Variants in CYP2C18 observed in about 807,000 individuals in gnomAD.
CYP2C18 encodes cytochrome P450 family 2 subfamily C member 18, also known as cytochrome P450 2C18.
A neutral mutation model predicts 41.3 loss-of-function variants in CYP2C18; 38 were observed. The ratio of observed to expected loss-of-function variants is 0.92; its 90% CI spans 0.71 to 1.21. The LOEUF (loss-of-function observed/expected upper bound fraction) is 1.21, where lower values mean the gene tolerates loss of function less well. Among genes scored for constraint, CYP2C18 ranks in the 50% most tolerant of loss-of-function variants. The probability of loss-of-function intolerance (pLI) is 0.00; values close to 1 mark genes in which losing one functional copy is unlikely to be tolerated. For synonymous variants in CYP2C18, 236 were observed against 210.0 expected, an observed-to-expected ratio of 1.12 and a Z score of -1.07; for missense variants, 635 against 591.4, an observed-to-expected ratio of 1.07 and a Z score of -0.77.
intron 3 of CYP2C18, among the ~76,000 whole-genome samples, chr10:94,691,668 AACT>A (rs1847002575): frequency 6.6e-6 from 1 of 152,210 alleles, no homozygotes; most frequent in Admixed American, 6.5e-5. Flanking sequence ...AATTGGAAAA[AACT>A]ACTTTAAAGT....
Position 94,735,292 on chromosome 10 carries a change from GC to G in CYP2C18, c.1324del (p.Arg442AlafsTer8). 1 of 1,613,574 alleles carries G rather than the reference GC, an allele frequency of 6.2e-7. No individual in the cohort carries two copies. Among genetic ancestry groups the G allele is most frequent in the Non-Finnish European group, 8.5e-7 (1 of 1,179,672 alleles). On this transcript the variant is annotated frameshift_variant, in exon 9 of 9. Coordinates refer to ENST00000285979, the MANE Select transcript of CYP2C18 (RefSeq NM_000772.3). LOFTEE classifies it low-confidence loss of function (END_TRUNC). ...ACGGATGTGTATGGGAGAGGGCCTG[GC>G]CCGCATGGAGCTGTTTTTATTCCTG... is the stretch of plus-strand genomic sequence containing the variant. ...GKRMCMGEGLARMELFLFLTT... is the reference protein window; with the variant it reads ...GKRMCMGEGLXRMELFLFLTT...
Position 94,733,435 on chromosome 10 carries a change from G to A in CYP2C18, c.1288G>A (p.Ala430Thr), listed in dbSNP as rs1482298087. 1 of 1,612,972 alleles carries A rather than the reference G, an allele frequency of 6.2e-7. No homozygotes were observed. Among genetic ancestry groups the A allele is most frequent in the East Asian group, 2.2e-5 (1 of 44,836 alleles). The stretch of plus-strand genomic sequence containing the variant: ...AAGTGACTACTTCATGCCTTTCTCA[G>A]CAGGTAATAGATATTCATTTCCATC... ...KKSDYFMPFSAGKRMCMGEGL... is the reference protein window; with the variant it reads ...KKSDYFMPFSTGKRMCMGEGL... Residue 430 changes from alanine (A) to threonine (T), a missense_variant, in exon 8 of 9, where the codon GCA (alanine) becomes ACA (threonine). Transcript: ENST00000285979.
chr10:94,690,455 A>G (rs1278673454), intron 3 of CYP2C18, among the ~76,000 whole-genome samples: 1 of 152,200 alleles, frequency 6.6e-6, no homozygotes, highest in Non-Finnish European at 1.5e-5. Context: ...AAATTTCTCG[A>G]CACATACACT....
intron 3 of CYP2C18, 135 bp from the exon 4 acceptor site, chr10:94,694,782 T>C (rs1254182892): frequency 4.3e-6 from 4 of 922,542 alleles, no homozygotes; most frequent in Admixed American, 2.8e-5. Context: ...TTCAATATGC[T>C]GTAGTTTGTG....
At chr10:94,689,190 T>C (rs1846952488) in intron 3 of CYP2C18, among the ~76,000 whole-genome samples, 1 of 152,184 alleles carries the variant, frequency 6.6e-6, no homozygotes, top group African/African-American at 2.4e-5. Context: ...TATAGCATAG[T>C]CTTTCAATTT....
chr10:94,694,147 G>T (rs12569873), intron 3 of CYP2C18, among the ~76,000 whole-genome samples: 26,771 of 152,044 alleles, frequency 0.18, 2,610 homozygotes, highest in South Asian at 0.33. Context: ...ATTGAAGATA[G>T]TGCCTGGTGA....
intron 4 of CYP2C18, among the ~76,000 whole-genome samples, chr10:94,700,920 T>C (rs527487881): frequency 6.6e-6 from 1 of 152,262 alleles, no homozygotes; most frequent in South Asian, 2.1e-4. Flanking sequence ...CACAATGAGA[T>C]ACCATCTCAC....
chr10:94,720,240 C>G (rs931035213), intron 5 of CYP2C18, among the ~76,000 whole-genome samples, 156 bp from the exon 6 acceptor site: 7 of 152,162 alleles, frequency 4.6e-5, no homozygotes, highest in African/African-American at 1.7e-4. Flanking sequence ...ATTTTACATT[C>G]TCTGCCACAC....
intron 7 of CYP2C18, among the ~76,000 whole-genome samples, chr10:94,731,804 A>C (rs759359780): frequency 2.6e-5 from 4 of 152,206 alleles, no homozygotes; most frequent in Non-Finnish European, 4.4e-5. Flanking sequence ...CACCATATAT[A>C]AATATGCACT....
At chr10:94,692,957 G>A (rs1043009227) in intron 3 of CYP2C18, among the ~76,000 whole-genome samples, 2 of 151,450 alleles carry the variant, frequency 1.3e-5, no homozygotes, top group African/African-American at 4.9e-5. Context: ...GGTGGGAATT[G>A]AACAATGAGA....
At chr10:94,706,057 C>T (rs1315078218) in intron 4 of CYP2C18, among the ~76,000 whole-genome samples, 2 of 152,180 alleles carry the variant, frequency 1.3e-5, no homozygotes, top group Non-Finnish European at 2.9e-5. Context: ...TTTTGGAGAA[C>T]AGATGCTACC....
At chr10:94,701,899 A>T (rs189252383) in intron 4 of CYP2C18, among the ~76,000 whole-genome samples, 194 of 152,196 alleles carry the variant, frequency 1.3e-3, no homozygotes, top group African/African-American at 4.5e-3. Flanking sequence ...GAAAAATTGC[A>T]CTCACTGGGC....
intron 4 of CYP2C18, among the ~76,000 whole-genome samples, chr10:94,696,469 ACC>A (rs1349507018): frequency 6.6e-6 from 1 of 151,910 alleles, no homozygotes; most frequent in African/African-American, 2.4e-5. Context: ...CCACACCAAA[ACC>A]CCATCTGTAC....
chr10:94,721,387 CTCTTTT>C (rs1376166137), intron 6 of CYP2C18, among the ~76,000 whole-genome samples: 1 of 152,086 alleles, frequency 6.6e-6, no homozygotes, highest in Non-Finnish European at 1.5e-5. Flanking sequence ...AAGACAGAAA[CTCTTTT>C]TATTTTTAAT....
chr10:94,700,521 G>T (rs143966491), intron 4 of CYP2C18, among the ~76,000 whole-genome samples: 2 of 152,042 alleles, frequency 1.3e-5, no homozygotes, highest in African/African-American at 2.4e-5. Flanking sequence ...CATAAAAACC[G>T]TAGAAGAAAA....
At chr10:94,732,066 A>G (rs1044705932) in intron 7 of CYP2C18, among the ~76,000 whole-genome samples, 6 of 152,256 alleles carry the variant, frequency 3.9e-5, no homozygotes, top group Admixed American at 6.5e-5. Context: ...ATGGGAGGAA[A>G]TATTTGCAAA....
intron 3 of CYP2C18, among the ~76,000 whole-genome samples, chr10:94,690,719 C>T (rs1350793044): frequency 6.6e-6 from 1 of 151,838 alleles, no homozygotes; most frequent in Non-Finnish European, 1.5e-5. Context: ...AGAGACACAA[C>T]AAAAAAAGAG....
chr10:94,700,852 A>G (rs190014616), intron 4 of CYP2C18, among the ~76,000 whole-genome samples: 1 of 152,390 alleles, frequency 6.6e-6, no homozygotes, highest in East Asian at 1.9e-4. Context: ...TTATGCAGCC[A>G]AAGGACACAT....
intron 5 of CYP2C18, among the ~76,000 whole-genome samples, chr10:94,712,008 A>ATTTTTTTTTTTTTTTTTTTTTTTTT (rs35672164): frequency 0.015 from 1,418 of 97,712 alleles, 72 homozygotes; most frequent in South Asian, 0.019. Flanking sequence ...TGCCCAACTA[A>ATTTTTTTTTTTTTTTTTTTTTTTTT]TTTTTTTTTT....
Sources: allele counts gnomAD v4.1 joint callset (sites outside exome capture counted in the v4.1 genomes callset), GRCh38; gene constraint gnomAD v4.1.1; transcripts MANE v1.5; gene names NCBI Gene and HGNC (gene_info 2026-07-23, HGNC 2026-07-21).